STYXL1: variants seen among roughly 807,000 people sequenced by gnomAD.
The protein encoded by STYXL1 is serine/threonine/tyrosine interacting like 1, also known as serine/threonine/tyrosine-interacting-like protein 1.
Under a neutral mutation model 36.4 loss-of-function variants are expected in STYXL1, and 32 were observed. The ratio of observed to expected loss-of-function variants is 0.88; its 90% confidence interval spans 0.66 to 1.18. The LOEUF (loss-of-function observed/expected upper bound fraction) is 1.18, where lower values mean the gene tolerates loss of function less well. Ranked by LOEUF, STYXL1 falls within the 50% of genes most tolerant of loss-of-function variation. STYXL1 has a pLI of 0.00. For missense variants in STYXL1, 354 were observed against 394.1 expected (o/e 0.90, Z 0.86); for synonymous variants, 133 against 144.1 (o/e 0.92, Z 0.55).
intron 5 of STYXL1, among the ~76,000 whole-genome samples, chr7:76,012,055 T>A (rs1335803708): frequency 6.6e-6 from 1 of 152,142 alleles, no homozygotes; most frequent in Non-Finnish European, 1.5e-5. Flanking sequence ...ATCCCAGCAC[T>A]TTGGGAGGCT....
At position 75,996,530 on chromosome 7, in the gene STYXL1, G is replaced by A; in HGVS notation, c.880C>T (p.Leu294=). The A allele has an allele frequency of 6.2e-7, 1 of 1,614,210 alleles. No individual in the cohort carries two copies. Among genetic ancestry groups the A allele is most frequent in the South Asian group, 1.1e-5 (1 of 91,080 alleles). Residue 294 remains leucine (L), a synonymous_variant, in exon 9 of 9, where the codon CTG becomes TTG. Coordinates refer to ENST00000359697, the MANE Select transcript of STYXL1 (RefSeq NM_001317785.2). ...CCAAGGATAGTCTTCTCCCATTCCA[G>A]CAGCTGGCTCACCAATCCCCGATTT... ...CPNRGLVSQL[L]EWEKTILGDS...
intron 1 of STYXL1, among the ~76,000 whole-genome samples, chr7:76,033,438 AC>A (rs1189508182): frequency 6.6e-6 from 1 of 152,122 alleles, no homozygotes; most frequent in Non-Finnish European, 1.5e-5. Context: ...GAGCCACTGC[AC>A]CTGGCCAGCT....
chr7:76,032,311 A>T (rs1178014340), intron 1 of STYXL1, among the ~76,000 whole-genome samples: 1 of 150,958 alleles, frequency 6.6e-6, no homozygotes, highest in Admixed American at 6.6e-5. Context: ...GAGGTGGGAG[A>T]ATCACTTGAG....
intron 8 of STYXL1, among the ~76,000 whole-genome samples, chr7:75,999,543 G>GAGTGTA (rs1790585232): frequency 7.0e-6 from 1 of 142,190 alleles, no homozygotes; most frequent in Non-Finnish European, 1.5e-5. Flanking sequence ...GTGTGTGTGT[G>GAGTGTA]TGTGTGTGTA....
chr7:76,044,361 G>T (rs1262334902), intron 1 of STYXL1: 3 of 152,250 alleles, frequency 2.0e-5, no homozygotes, highest in Non-Finnish European at 4.4e-5. Flanking sequence ...TGTTGCCCAG[G>T]CTGGTATTGA....
rs1444524369 is a variant in STYXL1, at chr7:76,013,729, C to G, written c.453+13G>C. 10 of 1,613,756 alleles carry G rather than the reference C, an allele frequency of 6.2e-6. No homozygotes were observed. Among genetic ancestry groups the G allele is most frequent in the Non-Finnish European group, 8.5e-6 (10 of 1,179,860 alleles). On this transcript the variant is annotated intron_variant, in intron 5 of 8. Transcript: ENST00000359697. ...CCCGTCTGGGCCTGCCTGTGCTCAG[C>G]ATTTGGCCCTACCTGAGGCATCCAG...
intron 5 of STYXL1, 80 bp from the exon 6 acceptor site, chr7:76,005,484 G>T: frequency 7.2e-7 from 1 of 1,398,534 alleles, no homozygotes; most frequent in Non-Finnish European, 9.9e-7. Context: ...ACACAGCTCA[G>T]CAAACGAGCG....
At position 76,028,723 on chromosome 7, in the gene STYXL1, A is replaced by G; in HGVS notation, c.104-20T>C. On this transcript the variant is annotated intron_variant, in intron 2 of 8. Coordinates refer to ENST00000359697, the MANE Select transcript of STYXL1 (RefSeq NM_001317785.2). ...GGACATCTGGAAAGGAAACGTATTT[A>G]AGAACTGAATTTGCAAAGGAACATA... 1.9e-6 allele frequency: 3 copies of G among 1,613,128 alleles called. No homozygotes were observed. The highest frequency in any genetic ancestry group is 4.5e-5 in the East Asian group (2 of 44,878).
At chr7:76,033,097 T>C (rs1338796025) in intron 1 of STYXL1, among the ~76,000 whole-genome samples, 1 of 152,094 alleles carries the variant, frequency 6.6e-6, no homozygotes, top group Non-Finnish European at 1.5e-5. Context: ...CTGGGCCCAA[T>C]TGTTTCTGGA....
intron 4 of STYXL1, among the ~76,000 whole-genome samples, chr7:76,014,606 G>A (rs1014889653): frequency 6.6e-6 from 1 of 151,952 alleles, no homozygotes; most frequent in African/African-American, 2.4e-5. Context: ...ACCTGCCTCA[G>A]CCTCCCAGAG....
intron 2 of STYXL1, among the ~76,000 whole-genome samples, 192 bp downstream of exon 2, chr7:76,030,229 C>A (rs6957698): frequency 0.22 from 33,633 of 152,092 alleles, 4,902 homozygotes; most frequent in African/African-American, 0.41. Flanking sequence ...GATCTCCTGG[C>A]TTCAAGTGAT....
At chr7:76,037,030 C>T (rs1037557072) in intron 1 of STYXL1, among the ~76,000 whole-genome samples, 8 of 149,586 alleles carry the variant, frequency 5.3e-5, no homozygotes, top group Admixed American at 3.3e-4. Flanking sequence ...GTGATCCGCC[C>T]GCCTCGGCCT....
intron 3 of STYXL1, among the ~76,000 whole-genome samples, chr7:76,027,815 A>G (rs1293402017): frequency 6.6e-6 from 1 of 152,030 alleles, no homozygotes; most frequent in Non-Finnish European, 1.5e-5. Flanking sequence ...AATTAAATCA[A>G]TATTTGGCCA....
chr7:76,036,945 C>G lies in STYXL1; in HGVS notation c.-4-6418G>C, dbSNP rs192091475. On this transcript the variant is annotated intron_variant, in intron 1 of 8. Transcript: ENST00000359697. ...GACTACAGGCGCCCGCCACCACACCCGGCTAATTTTTTGTATTTTTAGTAG... is the reference window on the plus strand; with the variant it reads ...GACTACAGGCGCCCGCCACCACACCGGGCTAATTTTTTGTATTTTTAGTAG... 6.8e-3 allele frequency among the ~76,000 whole-genome samples: 1,020 copies of G among 148,946 alleles called. 45 individuals are homozygous for G. Among genetic ancestry groups the G allele is most frequent in the African/African-American group, 0.022 (881 of 40,918 alleles).
intron 5 of STYXL1, among the ~76,000 whole-genome samples, chr7:76,005,868 A>G (rs35358310): frequency 2.6e-4 from 6 of 23,316 alleles, no homozygotes; most frequent in Admixed American, 1.4e-3. Flanking sequence ...GAGAGGAGGA[A>G]GAGAGAGGAG....
intron 1 of STYXL1, among the ~76,000 whole-genome samples, chr7:76,031,932 T>C (rs960902573): frequency 6.6e-5 from 10 of 152,156 alleles, no homozygotes; most frequent in Admixed American, 3.9e-4. Flanking sequence ...TAGCATGGAA[T>C]GCAGACACTT....
At chr7:75,999,117 G>A in intron 8 of STYXL1, 1 of 156,282 alleles carries the variant, frequency 6.4e-6, no homozygotes, top group Non-Finnish European at 1.4e-5. Flanking sequence ...CAGCCTGGGT[G>A]ACAGAGCGAG....
At chr7:76,015,782 T>C (rs938887153) in intron 4 of STYXL1, among the ~76,000 whole-genome samples, 1 of 152,168 alleles carries the variant, frequency 6.6e-6, no homozygotes, top group African/African-American at 2.4e-5. Context: ...GAGATTAACA[T>C]TTGAGTCAGT....
At chr7:76,024,949 A>C (rs1794504539) in intron 3 of STYXL1, among the ~76,000 whole-genome samples, 2 of 13,682 alleles carry the variant, frequency 1.5e-4, no homozygotes, top group Non-Finnish European at 6.1e-4. Flanking sequence ...ACTCTGTCTC[A>C]AAAAAAAAAA....
Sources: gnomAD v4.1 joint callset for allele counts (sites outside exome capture counted in the v4.1 genomes callset) on GRCh38, gnomAD v4.1.1 for gene constraint, MANE v1.5 for transcripts, NCBI Gene and HGNC (gene_info 2026-07-23, HGNC 2026-07-21) for gene names.